Variants in TFAP2D observed in about 807,000 individuals in gnomAD.
The protein encoded by TFAP2D is transcription factor AP-2-delta.
Under a neutral mutation model 43.6 loss-of-function variants are expected in TFAP2D, and 9 were observed. The observed-to-expected ratio is 0.21, with a 90% CI of 0.12 to 0.36. The LOEUF (loss-of-function observed/expected upper bound fraction) is 0.36. Among genes scored for constraint, TFAP2D ranks in the 10% least tolerant of loss-of-function variants. The pLI is 1.00. For missense variants in TFAP2D, 513 were observed against 561.4 expected (o/e 0.91, Z 0.87); for synonymous variants, 256 against 224.9 (o/e 1.14, Z -1.24).
chr6:50,770,052 T>C (rs923538650), intron 7 of TFAP2D, among the ~76,000 whole-genome samples: 3 of 152,148 alleles, frequency 2.0e-5, no homozygotes, highest in African/African-American at 7.2e-5. Flanking sequence ...AAAGGAGCTC[T>C]AAACAGGAAT....
intron 5 of TFAP2D, 87 bp downstream of exon 5, chr6:50,729,399 TG>T: frequency 2.7e-6 from 3 of 1,122,580 alleles, no homozygotes; most frequent in Non-Finnish European, 4.0e-6. Flanking sequence ...GTTTTATTTT[TG>T]TCTGTACCAT....
intron 5 of TFAP2D, among the ~76,000 whole-genome samples, chr6:50,733,437 T>A (rs751134586): frequency 6.6e-6 from 1 of 152,044 alleles, no homozygotes. Flanking sequence ...CTCTGAAAAA[T>A]ACAGTGGCTT....
intron 3 of TFAP2D, among the ~76,000 whole-genome samples, chr6:50,723,535 T>A (rs1042506350): frequency 1.3e-5 from 2 of 152,296 alleles, no homozygotes; most frequent in Admixed American, 1.3e-4. Flanking sequence ...GTTCATCCAT[T>A]ATGGGTGAAG....
At chr6:50,715,088 C>T in intron 1 of TFAP2D, 28 bp from the exon 2 acceptor site, 1 of 1,596,996 alleles carries the variant, frequency 6.3e-7, no homozygotes, top group South Asian at 1.1e-5. Flanking sequence ...AGTTTTTCTG[C>T]TCTCCCTTTT....
rs539479132 is a variant in TFAP2D at position 50,727,618 on chromosome 6, T to C, written c.599-1238T>C. On this transcript the variant is annotated intron_variant, in intron 3 of 7. Transcript: ENST00000008391. The stretch of plus-strand genomic sequence containing the variant: ...AAAGTAAAAATATTTTAGACAACAC[T>C]CTTCTGCCCATTTTTCTTCTCCCAT... Among the ~76,000 whole-genome samples, 7 of 152,326 alleles carry C rather than the reference T, an allele frequency of 4.6e-5. No homozygotes were observed. The South Asian group carries it at 1.0e-3, about 23-fold the overall frequency.
At chr6:50,770,312 A>T (rs1769506463) in intron 7 of TFAP2D, among the ~76,000 whole-genome samples, 2 of 152,324 alleles carry the variant, frequency 1.3e-5, no homozygotes, top group South Asian at 4.1e-4. Context: ...AGAGGTGTGG[A>T]TATAGTAGTT....
chr6:50,743,600 G>T (rs1769084504), intron 5 of TFAP2D, among the ~76,000 whole-genome samples: 1 of 151,982 alleles, frequency 6.6e-6, no homozygotes, highest in Non-Finnish European at 1.5e-5. Context: ...GCCCAGGCTG[G>T]TCTTGAACTC....
intron 5 of TFAP2D, among the ~76,000 whole-genome samples, chr6:50,741,772 A>G (rs1769049827): frequency 6.6e-6 from 1 of 151,950 alleles, no homozygotes; most frequent in African/African-American, 2.4e-5. Flanking sequence ...GCTCTGAAAA[A>G]AAAAAAAAAG....
chr6:50,735,121 A>G (rs75307575), intron 5 of TFAP2D, among the ~76,000 whole-genome samples: 17,388 of 152,140 alleles, frequency 0.11, 1,094 homozygotes, highest in Middle Eastern at 0.15. Flanking sequence ...CAAAGCACTT[A>G]CCATAGTGCC....
At chr6:50,717,665 A>G (rs150048420) in intron 2 of TFAP2D, among the ~76,000 whole-genome samples, 43 of 152,374 alleles carry the variant, frequency 2.8e-4, no homozygotes, top group Middle Eastern at 3.4e-3. Context: ...AGATATATCC[A>G]TGTATGTATA....
At chr6:50,771,625 G>C (rs1396103869) in intron 7 of TFAP2D, among the ~76,000 whole-genome samples, 2 of 152,162 alleles carry the variant, frequency 1.3e-5, no homozygotes, top group Admixed American at 6.5e-5. Flanking sequence ...TAATGAGGTG[G>C]AGAATCAAGT....
intron 5 of TFAP2D, among the ~76,000 whole-genome samples, chr6:50,733,592 C>G (rs1768922614): frequency 6.6e-6 from 1 of 152,130 alleles, no homozygotes; most frequent in South Asian, 2.1e-4. Flanking sequence ...CTAGTTTTAA[C>G]ACCCTTGTTA....
intron 5 of TFAP2D, among the ~76,000 whole-genome samples, chr6:50,740,066 T>A (rs1181421425): frequency 2.0e-5 from 3 of 152,188 alleles, no homozygotes; most frequent in Non-Finnish European, 2.9e-5. Flanking sequence ...TGCTAAAGCT[T>A]GATAGTATAA....
At chr6:50,753,022 C>T (rs1769219506) in intron 7 of TFAP2D, among the ~76,000 whole-genome samples, 1 of 151,886 alleles carries the variant, frequency 6.6e-6, no homozygotes, top group Non-Finnish European at 1.5e-5. Context: ...TTTACCTTCA[C>T]CACCGATCCA....
chr6:50,770,757 T>C (rs903395838), intron 7 of TFAP2D, among the ~76,000 whole-genome samples: 5 of 152,160 alleles, frequency 3.3e-5, no homozygotes, highest in African/African-American at 1.2e-4. Flanking sequence ...GAAAGAAAAC[T>C]ATAGGTAGCT....
At chr6:50,722,371 T>C (rs1309993611) in intron 3 of TFAP2D, among the ~76,000 whole-genome samples, 1 of 152,212 alleles carries the variant, frequency 6.6e-6, no homozygotes, top group East Asian at 1.9e-4. Context: ...CATATTAATG[T>C]TGTACGTACA....
intron 3 of TFAP2D, among the ~76,000 whole-genome samples, chr6:50,722,865 G>A (rs555311977): frequency 6.6e-6 from 1 of 152,180 alleles, no homozygotes; most frequent in Non-Finnish European, 1.5e-5. Context: ...AAGAGGGGAA[G>A]CGCCCTTGTT....
At position 50,773,029 on chromosome 6, in the gene TFAP2D, A is replaced by C; in HGVS notation, c.*165A>C. On this transcript the variant is annotated 3_prime_UTR_variant, in exon 8 of 8. Transcript: ENST00000008391. Reference sequence around the variant, plus strand: ...TGAAAAATGAAACAAAAAAGGACAAAACCAAAAAAAAAAGAAAAAAAAAGG... The same window carrying C: ...TGAAAAATGAAACAAAAAAGGACAACACCAAAAAAAAAAGAAAAAAAAAGG... 2 of 634,062 alleles carry C rather than the reference A, an allele frequency of 3.2e-6. No homozygotes were observed. The highest frequency in any genetic ancestry group is 5.1e-6 in the Non-Finnish European group (2 of 391,580). 39.3% of individuals were successfully genotyped at this position (634,062 alleles called of 1,614,324 possible).
chr6:50,714,182 C>T, intron 1 of TFAP2D, 88 bp downstream of exon 1: 2 of 1,326,084 alleles, frequency 1.5e-6, no homozygotes. Flanking sequence ...GCGGTGGCAG[C>T]CTCCCCTGTC....
Sources: gnomAD v4.1 joint callset for allele counts (sites outside exome capture counted in the v4.1 genomes callset) on GRCh38, gnomAD v4.1.1 for gene constraint, MANE v1.5 for transcripts, NCBI Gene and HGNC (gene_info 2026-07-23, HGNC 2026-07-21) for gene names.